The following MLLT3 variants were observed in gnomAD, a reference collection of about 807,000 sequenced individuals.
The protein encoded by MLLT3 is protein AF-9.
A neutral mutation model predicts 53.2 loss-of-function variants in MLLT3; 4 were observed. That is an observed-to-expected ratio of 0.08 (90% CI 0.04 to 0.17). The LOEUF (loss-of-function observed/expected upper bound fraction) is 0.17, where lower values mean the gene tolerates loss of function less well. Ranked by LOEUF, MLLT3 falls within the 10% of genes least tolerant of loss-of-function variation. The pLI is 1.00. For missense variants in MLLT3, 569 were observed against 684.0 expected (o/e 0.83, Z 1.87); for synonymous variants, 283 against 230.6 (o/e 1.23, Z -2.06).
chr9:20,421,951 A>G (rs566806715), intron 4 of MLLT3, among the ~76,000 whole-genome samples: 4 of 152,304 alleles, frequency 2.6e-5, no homozygotes, highest in African/African-American at 9.6e-5. Context: ...TTTATTAAAA[A>G]TTAATGTTAT....
intron 4 of MLLT3, among the ~76,000 whole-genome samples, chr9:20,434,481 G>A (rs889611640): frequency 6.6e-6 from 1 of 151,980 alleles, no homozygotes; most frequent in Non-Finnish European, 1.5e-5. Context: ...AGGGACTCTG[G>A]GAAGGGCACT....
chr9:20,467,406 C>A (rs1176467168), intron 2 of MLLT3, among the ~76,000 whole-genome samples: 1 of 152,068 alleles, frequency 6.6e-6, no homozygotes, highest in Non-Finnish European at 1.5e-5. Flanking sequence ...GGTGAAACCC[C>A]GTCTCTACTA....
intron 2 of MLLT3, among the ~76,000 whole-genome samples, chr9:20,518,342 G>T (rs148286939): frequency 3.9e-5 from 6 of 152,044 alleles, no homozygotes; most frequent in Non-Finnish European, 7.4e-5. Flanking sequence ...CAAAAACTCC[G>T]TCTCAAAACA....
intron 2 of MLLT3, among the ~76,000 whole-genome samples, chr9:20,577,480 T>A (rs1291890670): frequency 6.6e-6 from 1 of 152,194 alleles, no homozygotes; most frequent in East Asian, 1.9e-4. Context: ...TCTTAACCCA[T>A]GTACCTTTTC....
Position 20,468,998 on chromosome 9 carries a change from AT to A in MLLT3, c.194-12213del, listed in dbSNP as rs549476226. ...TTTTTCTTAAAGAGAGAACAACTAT[AT>A]TTTTTATTAGACCATTAAATAAAGG... On this transcript the variant is annotated intron_variant, in intron 2 of 10. Coordinates refer to ENST00000380338, the MANE Select transcript of MLLT3 (RefSeq NM_004529.4). 1.1e-4 allele frequency among the ~76,000 whole-genome samples: 17 copies of A among 152,334 alleles called. No homozygotes were observed. In the East Asian group the frequency reaches 1.9e-3, roughly 17 times the overall value.
chr9:20,409,776 T>G (rs1822677087), intron 5 of MLLT3, among the ~76,000 whole-genome samples: 1 of 152,220 alleles, frequency 6.6e-6, no homozygotes, highest in Admixed American at 6.5e-5. Context: ...TTGACAAACT[T>G]TCATGTGACA....
intron 8 of MLLT3, among the ~76,000 whole-genome samples, chr9:20,358,528 T>C (rs530146188): frequency 6.6e-6 from 1 of 152,222 alleles, no homozygotes; most frequent in South Asian, 2.1e-4. Context: ...GTTTTTGGTT[T>C]TGTTTTGCTA....
At chr9:20,425,171 G>C (rs200288368) in intron 4 of MLLT3, among the ~76,000 whole-genome samples, 108 of 152,242 alleles carry the variant, frequency 7.1e-4, no homozygotes, top group Admixed American at 5.6e-3. Flanking sequence ...TAAACATCTA[G>C]AAAGTTATAA....
At chr9:20,436,701 T>A (rs1018121296) in intron 4 of MLLT3, among the ~76,000 whole-genome samples, 1 of 152,204 alleles carries the variant, frequency 6.6e-6, no homozygotes, top group African/African-American at 2.4e-5. Flanking sequence ...GCTTGACTGA[T>A]TTCAGTATTT....
chr9:20,527,126 G>A (rs1660848228), intron 2 of MLLT3, among the ~76,000 whole-genome samples: 1 of 152,162 alleles, frequency 6.6e-6, no homozygotes, highest in African/African-American at 2.4e-5. Flanking sequence ...GTAAGGTTAT[G>A]TAACCAGCCT....
chr9:20,614,712 G>A (rs2131212175), intron 2 of MLLT3, among the ~76,000 whole-genome samples: 1 of 152,136 alleles, frequency 6.6e-6, no homozygotes, highest in East Asian at 1.9e-4. Flanking sequence ...ACAAAATTGT[G>A]CCATGTAATT....
chr9:20,579,970 C>G (rs565174735), intron 2 of MLLT3, among the ~76,000 whole-genome samples: 1 of 152,166 alleles, frequency 6.6e-6, no homozygotes, highest in Admixed American at 6.5e-5. Context: ...TCTCACCAGA[C>G]TCGTGTGAGG....
At chr9:20,502,057 G>A (rs1162599625) in intron 2 of MLLT3, among the ~76,000 whole-genome samples, 2 of 136,202 alleles carry the variant, frequency 1.5e-5, no homozygotes, top group African/African-American at 2.7e-5. Flanking sequence ...CTCCAGCCTG[G>A]GCAACAAGAG....
At chr9:20,411,508 TTA>T (rs1270666165) in intron 5 of MLLT3, among the ~76,000 whole-genome samples, 2 of 152,224 alleles carry the variant, frequency 1.3e-5, no homozygotes, top group African/African-American at 4.8e-5. Context: ...CTGTTGGGTT[TTA>T]TACACAAATA....
At chr9:20,558,167 T>C (rs371670381) in intron 2 of MLLT3, among the ~76,000 whole-genome samples, 3 of 152,218 alleles carry the variant, frequency 2.0e-5, no homozygotes, top group African/African-American at 7.2e-5. Flanking sequence ...CACAGAACCA[T>C]TGATTTCAGC....
intron 4 of MLLT3, among the ~76,000 whole-genome samples, chr9:20,442,701 G>A (rs1823585648): frequency 6.6e-6 from 1 of 152,078 alleles, no homozygotes; most frequent in Admixed American, 6.6e-5. Flanking sequence ...CCTTTAATAA[G>A]CAAAACCCCT....
In MLLT3 at chr9:20,422,172, T is replaced by C. The variant is rs144741393; in HGVS notation, c.421-7747A>G. On this transcript the variant is annotated intron_variant, in intron 4 of 10. Coordinates refer to ENST00000380338, the MANE Select transcript of MLLT3 (RefSeq NM_004529.4). The stretch of plus-strand genomic sequence containing the variant: ...CCCAAGAGTCTTTCGTTCAAAACAA[T>C]ATATGTGGCCAGTGCACAAAAAGGA... 2.4e-4 allele frequency among the ~76,000 whole-genome samples: 37 copies of C among 152,152 alleles called. No homozygotes were observed. In the East Asian group the frequency reaches 7.0e-3, roughly 29 times the overall value.
intron 2 of MLLT3, among the ~76,000 whole-genome samples, chr9:20,592,368 G>A (rs1029149594): frequency 6.6e-6 from 1 of 152,196 alleles, no homozygotes; most frequent in African/African-American, 2.4e-5. Flanking sequence ...GAGGCTCTAA[G>A]TCCAAGATGA....
intron 10 of MLLT3, among the ~76,000 whole-genome samples, chr9:20,353,218 T>C (rs1821079454): frequency 6.6e-6 from 1 of 152,206 alleles, no homozygotes; most frequent in Non-Finnish European, 1.5e-5. Context: ...GCATTTCTAC[T>C]GTCCCCTCCC....
Sources: allele counts gnomAD v4.1 joint callset (sites outside exome capture counted in the v4.1 genomes callset), GRCh38; gene constraint gnomAD v4.1.1; transcripts MANE v1.5; gene names NCBI Gene and HGNC (gene_info 2026-07-23, HGNC 2026-07-21).